Variants in CNTN5 observed in about 807,000 individuals in gnomAD.
CNTN5 encodes contactin 5.
Under a neutral mutation model 129.1 loss-of-function variants are expected in CNTN5, and 77 were observed. That is an observed-to-expected ratio of 0.60 (90% CI 0.50 to 0.72). The LOEUF is 0.72. CNTN5 is among the 30% of genes least tolerant of loss of function. CNTN5 has a pLI of 0.00. For synonymous variants in CNTN5, 509 were observed against 465.6 expected, an observed-to-expected ratio of 1.09 and a Z score of -1.20; for missense variants, 1,478 against 1,328.8, an observed-to-expected ratio of 1.11 and a Z score of -1.75.
intron 2 of CNTN5, among the ~76,000 whole-genome samples, chr11:99,416,192 C>T (rs1286159061): frequency 6.6e-6 from 1 of 152,124 alleles, no homozygotes; most frequent in African/African-American, 2.4e-5. Flanking sequence ...CTTGGACAGC[C>T]TAATTACCAG....
At chr11:99,859,562 C>T (rs1024662758) in intron 6 of CNTN5, among the ~76,000 whole-genome samples, 8 of 152,192 alleles carry the variant, frequency 5.3e-5, no homozygotes, top group South Asian at 2.1e-4. Flanking sequence ...TCCACATGTA[C>T]CCATTATTTA....
chr11:99,247,611 T>A (rs1423259090), intron 1 of CNTN5, among the ~76,000 whole-genome samples: 1 of 125,116 alleles, frequency 8.0e-6, no homozygotes, highest in Non-Finnish European at 1.8e-5. Flanking sequence ...TCCCTCCCCC[T>A]TTCCCCCATC....
chr11:100,025,214 T>C lies in CNTN5; in HGVS notation c.980+23078T>C, dbSNP rs1358804356. ...TGGCTGAAAGAGGCCAAAATACAGCTCAGATCATTGTTTCAGAGGGTGCAA... is the reference window on the plus strand; with the variant it reads ...TGGCTGAAAGAGGCCAAAATACAGCCCAGATCATTGTTTCAGAGGGTGCAA... On this transcript the variant is annotated intron_variant, in intron 9 of 24. Coordinates refer to ENST00000524871, the MANE Select transcript of CNTN5 (RefSeq NM_014361.4). 2.0e-5 allele frequency among the ~76,000 whole-genome samples: 3 copies of C among 152,208 alleles called. No individual in the cohort carries two copies. In the South Asian group the frequency reaches 6.2e-4, roughly 32 times the overall value.
At chr11:99,184,697 A>C (rs1858249691) in intron 1 of CNTN5, among the ~76,000 whole-genome samples, 1 of 152,126 alleles carries the variant, frequency 6.6e-6, no homozygotes, top group South Asian at 2.1e-4. Flanking sequence ...ACTGCCATAC[A>C]GCTTGAAGTG....
chr11:99,860,539 C>A (rs868245251), intron 6 of CNTN5, among the ~76,000 whole-genome samples: 1 of 152,064 alleles, frequency 6.6e-6, no homozygotes. Context: ...GACAGTTATC[C>A]CAGCATCATT....
At chr11:100,349,354 A>T (rs1952354751) in intron 23 of CNTN5, among the ~76,000 whole-genome samples, 8 of 151,962 alleles carry the variant, frequency 5.3e-5, no homozygotes, top group Admixed American at 5.3e-4. Context: ...ATATTTTATG[A>T]TGCACTTGAA....
chr11:99,943,147 C>T lies in CNTN5; in HGVS notation c.674-13659C>T, dbSNP rs865776796. The stretch of plus-strand genomic sequence containing the variant: ...CAATGGTTGAACTAATTTACATTCC[C>T]TCCAGTAGGTTAAAAGCGTTTCTAT... On this transcript the variant is annotated intron_variant, in intron 7 of 24. Transcript: ENST00000524871. Among the ~76,000 whole-genome samples the T allele has an allele frequency of 2.0e-5, 3 of 152,246 alleles. No homozygotes were observed. In the Middle Eastern group the frequency reaches 0.01, roughly 518 times the overall value.
At chr11:100,137,087 A>T (rs185029197) in intron 13 of CNTN5, among the ~76,000 whole-genome samples, 2 of 152,028 alleles carry the variant, frequency 1.3e-5, no homozygotes, top group African/African-American at 4.8e-5. Context: ...ATTCTATGGC[A>T]TATAAAAGAT....
intron 1 of CNTN5, among the ~76,000 whole-genome samples, chr11:99,274,100 T>C (rs2135865872): frequency 6.6e-6 from 1 of 151,910 alleles, no homozygotes; most frequent in East Asian, 1.9e-4. Flanking sequence ...GTGGCTAACA[T>C]ATTAGACTGT....
chr11:99,857,256 A>G (rs558141883), intron 6 of CNTN5, among the ~76,000 whole-genome samples: 1 of 152,144 alleles, frequency 6.6e-6, no homozygotes, highest in Non-Finnish European at 1.5e-5. Flanking sequence ...TGTCTTTTTT[A>G]TTTCTTTATT....
At chr11:99,760,611 A>G (rs1050413469) in intron 3 of CNTN5, among the ~76,000 whole-genome samples, 2 of 152,132 alleles carry the variant, frequency 1.3e-5, no homozygotes, top group African/African-American at 4.8e-5. Flanking sequence ...ATTGTAAATG[A>G]CTTGATTTTT....
intron 1 of CNTN5, among the ~76,000 whole-genome samples, chr11:99,113,432 T>C (rs1857894687): frequency 6.6e-6 from 1 of 151,912 alleles, no homozygotes; most frequent in Non-Finnish European, 1.5e-5. Context: ...AGGGGGAGAA[T>C]AAGGCAGAAA....
In CNTN5 at chr11:99,784,067, T is replaced by G. The variant is rs1032741842; in HGVS notation, c.56-35477T>G. The stretch of plus-strand genomic sequence containing the variant: ...ACTCTAGTCACTACTCAAATGTATG[T>G]ACACATAGTATTTTGCAGATGATTT... On this transcript the variant is annotated intron_variant, in intron 3 of 24. Coordinates refer to ENST00000524871, the MANE Select transcript of CNTN5 (RefSeq NM_014361.4). Among the ~76,000 whole-genome samples, 3 of 152,170 alleles carry G rather than the reference T, an allele frequency of 2.0e-5. 1 individual carries two copies. Among genetic ancestry groups the G allele is most frequent in the African/African-American group, 7.2e-5 (3 of 41,460 alleles).
chr11:99,103,091 C>T (rs1396879358), intron 1 of CNTN5, among the ~76,000 whole-genome samples: 3 of 152,100 alleles, frequency 2.0e-5, no homozygotes, highest in Non-Finnish European at 4.4e-5. Context: ...ACCATCAGAT[C>T]TCGTAAGGCT....
chr11:99,891,665 C>T (rs1338740621), intron 6 of CNTN5, among the ~76,000 whole-genome samples: 1 of 152,188 alleles, frequency 6.6e-6, no homozygotes, highest in African/African-American at 2.4e-5. Context: ...TGAACTCATC[C>T]TTTTTTATGG....
chr11:99,769,797 T>G (rs571185931), intron 3 of CNTN5, among the ~76,000 whole-genome samples: 1 of 136,948 alleles, frequency 7.3e-6, no homozygotes, highest in South Asian at 2.5e-4. Context: ...GACTGGGCAA[T>G]AGAGTGAGAC....
chr11:99,756,347 G>C (rs1405263850), intron 3 of CNTN5, among the ~76,000 whole-genome samples: 1 of 152,044 alleles, frequency 6.6e-6, no homozygotes, highest in Non-Finnish European at 1.5e-5. Flanking sequence ...TATGATTGCA[G>C]TCCAGAGGTA....
intron 16 of CNTN5, among the ~76,000 whole-genome samples, chr11:100,228,230 C>A (rs923316266): frequency 1.3e-5 from 2 of 152,292 alleles, no homozygotes; most frequent in African/African-American, 4.8e-5. Context: ...AATCAATAAT[C>A]TCTCGAGTCC....
intron 1 of CNTN5, among the ~76,000 whole-genome samples, chr11:99,300,454 C>T (rs1252607933): frequency 6.6e-6 from 1 of 151,782 alleles, no homozygotes; most frequent in African/African-American, 2.4e-5. Context: ...TCCTTGCATA[C>T]CTGGAATAAA....
Sources: gnomAD v4.1 joint callset for allele counts (sites outside exome capture counted in the v4.1 genomes callset) on GRCh38, gnomAD v4.1.1 for gene constraint, MANE v1.5 for transcripts, NCBI Gene and HGNC (gene_info 2026-07-23, HGNC 2026-07-21) for gene names.